The following UBE2W variants were observed in gnomAD, a reference collection of about 807,000 sequenced individuals.
UBE2W encodes ubiquitin-conjugating enzyme E2 W.
UBE2W carries 18 observed loss-of-function variants against 27.2 expected under a neutral mutation model. The ratio of observed to expected loss-of-function variants is 0.66; its 90% confidence interval spans 0.46 to 0.98. UBE2W has a LOEUF of 0.98. UBE2W is among the 50% of genes least tolerant of loss of function. UBE2W has a pLI of 0.00. For missense variants in UBE2W, 90 were observed against 180.2 expected (o/e 0.50, Z 2.87); for synonymous variants, 53 against 57.2 (o/e 0.93, Z 0.33).
intron 1 of UBE2W, among the ~76,000 whole-genome samples, chr8:73,874,292 G>A (rs796915381): frequency 1.4e-4 from 21 of 152,194 alleles, no homozygotes; most frequent in African/African-American, 3.9e-4. Context: ...TAAGCCGGGC[G>A]AGGTGGCAGG....
intron 1 of UBE2W, among the ~76,000 whole-genome samples, chr8:73,869,120 T>C (rs928664580): frequency 1.3e-5 from 2 of 152,190 alleles, no homozygotes; most frequent in Non-Finnish European, 2.9e-5. Context: ...AGCTACAACA[T>C]GGATGAACCT....
intron 1 of UBE2W, among the ~76,000 whole-genome samples, chr8:73,837,430 T>C (rs541056706): frequency 1.2e-4 from 19 of 152,248 alleles, no homozygotes; most frequent in Admixed American, 3.3e-4. Flanking sequence ...GGAGAAATGT[T>C]TGAACCCAGA....
rs551841417 is a variant in UBE2W, at chr8:73,842,369, A to G, written c.16-11897T>C. 2.0e-5 allele frequency among the ~76,000 whole-genome samples: 3 copies of G among 151,724 alleles called. No homozygotes were observed. The South Asian group carries it at 6.3e-4, about 32-fold the overall frequency. ...ATGGTGAAACCCTGTCTCGACTAAA[A>G]ATACAAAAAATGAGCCGGGCGTGGT... On this transcript the variant is annotated intron_variant, in intron 1 of 5. Coordinates refer to ENST00000602593, the MANE Select transcript of UBE2W (RefSeq NM_018299.6).
Position 73,805,465 on chromosome 8 carries a change from A to AAAAAC in UBE2W, c.442+185_442+186insGTTTT, listed in dbSNP as rs1808847307. On this transcript the variant is annotated intron_variant, in intron 5 of 5. Coordinates refer to ENST00000602593, the MANE Select transcript of UBE2W (RefSeq NM_018299.6). ...GCAAAACTCCATCTCAAAAAAAAAA[A>AAAAAC]AAAAAACAAAAAAAACTAGGGTAAT... 5.9e-5 allele frequency among the ~76,000 whole-genome samples: 8 copies of AAAAAC among 135,924 alleles called. 1 individual carries two copies. Among genetic ancestry groups the AAAAAC allele is most frequent in the Non-Finnish European group, 9.6e-5 (6 of 62,382 alleles). The allele number at this position is 135,924 out of a possible 152,430, so 89.2% of individuals were successfully genotyped here.
intron 4 of UBE2W, among the ~76,000 whole-genome samples, chr8:73,780,921 C>A (rs907267100): frequency 1.3e-5 from 2 of 152,142 alleles, no homozygotes; most frequent in African/African-American, 4.8e-5. Context: ...AGGGTGATCG[C>A]TTCAAAGACA....
chr8:73,816,815 TG>T (rs1195590652), intron 3 of UBE2W, among the ~76,000 whole-genome samples: 6 of 152,102 alleles, frequency 3.9e-5, no homozygotes, highest in Admixed American at 6.5e-5. Context: ...GGCGGATCAC[TG>T]GGGGGTTAGG....
At chr8:73,866,355 GT>G (rs1728128928) in intron 1 of UBE2W, among the ~76,000 whole-genome samples, 1 of 122,622 alleles carries the variant, frequency 8.2e-6, no homozygotes, top group South Asian at 2.8e-4. Context: ...ACATTTTTTA[GT>G]AGTAGGACTG....
chr8:73,869,683 T>A (rs1485963104), intron 1 of UBE2W, among the ~76,000 whole-genome samples: 1 of 151,240 alleles, frequency 6.6e-6, no homozygotes, highest in Non-Finnish European at 1.5e-5. Context: ...TGAGCAAGAC[T>A]CTTGTCTCAG....
At chr8:73,853,186 T>C (rs117061757) in intron 1 of UBE2W, among the ~76,000 whole-genome samples, 1 of 152,322 alleles carries the variant, frequency 6.6e-6, no homozygotes, top group East Asian at 1.9e-4. Flanking sequence ...CCCTGGATCT[T>C]GGACTTCCCA....
chr8:73,842,570 G>T (rs368819037), intron 1 of UBE2W, among the ~76,000 whole-genome samples: 3 of 141,180 alleles, frequency 2.1e-5, no homozygotes, highest in African/African-American at 5.5e-5. Flanking sequence ...TGACGTGGAC[G>T]TGAGTACTGA....
At chr8:73,843,092 A>G (rs1040700543) in intron 1 of UBE2W, among the ~76,000 whole-genome samples, 16 of 152,218 alleles carry the variant, frequency 1.1e-4, no homozygotes, top group Non-Finnish European at 1.2e-4. Flanking sequence ...CACATATTGT[A>G]TGATATCACT....
chr8:73,818,720 G>A (rs1809490976), intron 3 of UBE2W, among the ~76,000 whole-genome samples: 1 of 152,186 alleles, frequency 6.6e-6, no homozygotes, highest in African/African-American at 2.4e-5. Context: ...GCTTGGTGAT[G>A]TCCTCGACAG....
intron 1 of UBE2W, among the ~76,000 whole-genome samples, chr8:73,870,543 G>A (rs571551734): frequency 3.3e-5 from 5 of 152,100 alleles, no homozygotes; most frequent in South Asian, 2.1e-4. Context: ...AGGTTACACA[G>A]CTATTAAACA....
At chr8:73,871,112 A>G (rs1811993818) in intron 1 of UBE2W, among the ~76,000 whole-genome samples, 1 of 152,256 alleles carries the variant, frequency 6.6e-6, no homozygotes, top group South Asian at 2.1e-4. Context: ...TGAGGGCAGA[A>G]GTAGGAAAAC....
Position 73,789,255 on chromosome 8 carries a change from G to C in UBE2W, c.*4847C>G. 1.2e-6 allele frequency: 1 copy of C among 848,456 alleles called. No individual in the cohort carries two copies. Among genetic ancestry groups the C allele is most frequent in the Non-Finnish European group, 1.4e-6 (1 of 721,822 alleles). 52.6% of individuals were successfully genotyped at this position (848,456 alleles called of 1,614,324 possible). A position where few individuals can be genotyped will look rare whatever the true frequency, so the allele number is the denominator to read the frequency against. On this transcript the variant is annotated 3_prime_UTR_variant, in exon 6 of 6. Coordinates refer to ENST00000602593, the MANE Select transcript of UBE2W (RefSeq NM_018299.6). ...GGAGGCTGAGGCAGGAGGAATGCTT[G>C]AGCCCAGGAATTCAAGATCAGCCTG...
intron 1 of UBE2W, among the ~76,000 whole-genome samples, chr8:73,862,807 G>A (rs2130974721): frequency 7.4e-6 from 1 of 134,866 alleles, no homozygotes; most frequent in East Asian, 2.1e-4. Flanking sequence ...CATTTATGCA[G>A]CCAAAAAACA....
intron 1 of UBE2W, among the ~76,000 whole-genome samples, chr8:73,873,430 G>A (rs752140268): frequency 1.1e-4 from 17 of 152,138 alleles, no homozygotes; most frequent in Admixed American, 2.0e-4. Context: ...AGGCCAAGGT[G>A]GGCCGATGGC....
At chr8:73,830,165 T>C (rs1325959083) in intron 2 of UBE2W, among the ~76,000 whole-genome samples, 1 of 152,152 alleles carries the variant, frequency 6.6e-6, no homozygotes, top group Non-Finnish European at 1.5e-5. Context: ...CCAAAGATAG[T>C]TTAAAAACAG....
chr8:73,858,920 G>A (rs1586534848), intron 1 of UBE2W, among the ~76,000 whole-genome samples: 1 of 139,154 alleles, frequency 7.2e-6, no homozygotes, highest in East Asian at 2.1e-4. Flanking sequence ...TGGTTTTTTT[G>A]CTTTCTTTTT....
Sources: gnomAD v4.1 joint callset for allele counts (sites outside exome capture counted in the v4.1 genomes callset) on GRCh38, gnomAD v4.1.1 for gene constraint, MANE v1.5 for transcripts, NCBI Gene and HGNC (gene_info 2026-07-23, HGNC 2026-07-21) for gene names.